The following AK1 variants were observed in gnomAD, a reference collection of about 807,000 sequenced individuals.
AK1 encodes adenylate kinase isoenzyme 1.
A neutral mutation model predicts 23.9 loss-of-function variants in AK1; 13 were observed. The observed-to-expected ratio is 0.54, with a 90% CI of 0.35 to 0.86. AK1 has a LOEUF of 0.86. Among genes scored for constraint, AK1 ranks in the 40% least tolerant of loss-of-function variants. AK1 has a pLI of 0.01. For missense variants in AK1, 214 were observed against 255.1 expected, an observed-to-expected ratio of 0.84 and a Z score of 1.10; for synonymous variants, 97 against 102.8, an observed-to-expected ratio of 0.94 and a Z score of 0.34.
intron 2 of AK1, chr9:127,873,351 C>T (rs1829461968): frequency 1.9e-6 from 3 of 1,556,718 alleles, no homozygotes. Context: ...CGCCAGCCCT[C>T]ATGGCGCCTC....
At chr9:127,869,679 C>G (rs1052231773) in intron 5 of AK1, among the ~76,000 whole-genome samples, 22 of 152,218 alleles carry the variant, frequency 1.4e-4, no homozygotes, top group Non-Finnish European at 2.8e-4. Context: ...CTCCGTACCA[C>G]CCAGCGGCTG....
In AK1 at chr9:127,867,848, A is replaced by G. The variant is rs1829281261; in HGVS notation, c.*160T>C. ...AAGCAGTAAAACCAAATGTCCTTAGAAATTCCTTTAGTGCTCAGCTGTCCA... is the reference window on the plus strand; with the variant it reads ...AAGCAGTAAAACCAAATGTCCTTAGGAATTCCTTTAGTGCTCAGCTGTCCA... On this transcript the variant is annotated 3_prime_UTR_variant, in exon 7 of 7. Coordinates refer to ENST00000644144, the MANE Select transcript of AK1 (RefSeq NM_000476.3). 10 of 691,508 alleles carry G rather than the reference A, an allele frequency of 1.4e-5. No individual in the cohort carries two copies. In the South Asian group the frequency reaches 1.8e-4, roughly 12 times the overall value. The allele number at this position is 691,508 out of a possible 1,614,324, so 42.8% of individuals were successfully genotyped here.
intron 2 of AK1, chr9:127,873,714 C>T: frequency 1.0e-6 from 1 of 985,418 alleles, no homozygotes; most frequent in Non-Finnish European, 1.2e-6. Flanking sequence ...GGAAACTGAG[C>T]TCGAGAGAGG....
rs1294934208 is a variant in AK1 at position 127,868,938 on chromosome 9, C to A, written c.325-426G>T. 1.3e-5 allele frequency among the ~76,000 whole-genome samples: 2 copies of A among 152,198 alleles called. No individual in the cohort carries two copies. The highest frequency in any genetic ancestry group is 2.1e-4 in the South Asian group (1 of 4,832). On this transcript the variant is annotated intron_variant, in intron 5 of 6. Coordinates refer to ENST00000644144, the MANE Select transcript of AK1 (RefSeq NM_000476.3). The surrounding 1 kb of genome is among the most constrained non-coding windows in gnomAD (Gnocchi z 4.1). The stretch of plus-strand genomic sequence containing the variant: ...CAGTCTCTCTGATGCCACCCCCCGC[C>A]CCCCAGTACTCCCCGCCTCCTGGAA...
At chr9:127,869,825 T>C (rs547239481) in intron 5 of AK1, among the ~76,000 whole-genome samples, 1 of 152,334 alleles carries the variant, frequency 6.6e-6, no homozygotes, top group Admixed American at 6.5e-5. Flanking sequence ...TCACAGTCTC[T>C]GGTTCATCTG....
rs774432775 is a variant in AK1, at chr9:127,867,969, G to A, written c.*39C>T. The A allele has an allele frequency of 2.0e-5, 32 of 1,604,052 alleles. No individual in the cohort carries two copies. The highest frequency in any genetic ancestry group is 1.9e-4 in the South Asian group (17 of 90,866). On this transcript the variant is annotated 3_prime_UTR_variant, in exon 7 of 7. Transcript: ENST00000644144. ...GGAGGACCTCGAATCAGGACGGGGTGGGGCGGGGCTCTGAGCTGGGGAAGC... is the reference window on the plus strand; with the variant it reads ...GGAGGACCTCGAATCAGGACGGGGTAGGGCGGGGCTCTGAGCTGGGGAAGC...
Position 127,871,995 on chromosome 9 carries a change from C to T in AK1, c.208-56G>A, listed in dbSNP as rs1386857167. 6.8e-7 allele frequency: 1 copy of T among 1,462,006 alleles called. No homozygotes were observed. Among genetic ancestry groups the T allele is most frequent in the Non-Finnish European group, 9.6e-7 (1 of 1,043,168 alleles). The allele number at this position is 1,462,006 out of a possible 1,614,324, so 90.6% of individuals were successfully genotyped here. A position where few individuals can be genotyped will look rare whatever the true frequency, so the allele number is the denominator to read the frequency against. On this transcript the variant is annotated intron_variant, in intron 4 of 6. Coordinates refer to ENST00000644144, the MANE Select transcript of AK1 (RefSeq NM_000476.3). The surrounding 1 kb of genome is among the most constrained non-coding windows in gnomAD (Gnocchi z 4.4). ...GAGCCTCTCCTCCCCATCCCTTCTCCCAGCCTCTGCTCACGCTGCTCCTGC... is the reference window on the plus strand; with the variant it reads ...GAGCCTCTCCTCCCCATCCCTTCTCTCAGCCTCTGCTCACGCTGCTCCTGC...
rs1423519795 is a variant in AK1 at position 127,873,007 on chromosome 9, C to G, written c.43+19G>C. 1 of 1,614,062 alleles carries G rather than the reference C, an allele frequency of 6.2e-7. No homozygotes were observed. The highest frequency in any genetic ancestry group is 1.3e-5 in the African/African-American group (1 of 75,076). ...CCAGTGAAGACCCTTGCTGCACCAC[C>G]CGCCTGCCCGCAACTCACCCACCAC... On this transcript the variant is annotated intron_variant, in intron 3 of 6. Coordinates refer to ENST00000644144, the MANE Select transcript of AK1 (RefSeq NM_000476.3).
At chr9:127,873,854 G>C in intron 2 of AK1, 1 of 985,452 alleles carries the variant, frequency 1.0e-6, no homozygotes, top group South Asian at 4.7e-5. Context: ...ACTTAGGAAA[G>C]GCCTGCCCCT....
chr9:127,876,416 C>G (rs1410377261), intron 1 of AK1, among the ~76,000 whole-genome samples: 1 of 152,204 alleles, frequency 6.6e-6, no homozygotes, highest in African/African-American at 2.4e-5. Context: ...GGTTCGAGGG[C>G]CAGCTAGGGT....
chr9:127,869,127 G>A (rs1346640373), intron 5 of AK1, among the ~76,000 whole-genome samples: 1 of 152,196 alleles, frequency 6.6e-6, no homozygotes, highest in East Asian at 1.9e-4. Context: ...AGCAATGTCC[G>A]TGTCATTGGA....
rs1297436517 is a variant in AK1 at position 127,871,141 on chromosome 9, G to A, written c.324+682C>T. ...GTATGAACTTGTGGGGCTTGTGCAT[G>A]TGTATGTGCAAGCGTCCACGTGTGT... On this transcript the variant is annotated intron_variant, in intron 5 of 6. Transcript: ENST00000644144. This position sits in a 1 kb window ranked among gnomAD's most constrained non-coding sequence, Gnocchi z 4.4. Among the ~76,000 whole-genome samples, 1 of 151,808 alleles carries A rather than the reference G, an allele frequency of 6.6e-6. No individual in the cohort carries two copies. Among genetic ancestry groups the A allele is most frequent in the Admixed American group, 6.5e-5 (1 of 15,278 alleles).
At chr9:127,874,732 G>T in intron 1 of AK1, 83 bp from the exon 2 acceptor site, 1 of 1,380,836 alleles carries the variant, frequency 7.2e-7, no homozygotes, top group East Asian at 2.3e-5. Context: ...CAAGGCAACT[G>T]GTGTGTGCCA....
In AK1 at chr9:127,872,724, G is replaced by A. The variant is rs138798179; in HGVS notation, c.173C>T (p.Ser58Leu). ...CAGCTGCCCCTTCTCCATGATTTCC[G>A]ACAGCTTCTTGCCCCTGGCCGAGCC... The part of the protein sequence containing the change: ...SSGSARGKKL[S>L]EIMEKGQLVP... The change falls in exon 4 of 7, where the codon TCG becomes TTG. Residue 58 changes from serine (S) to leucine (L), a missense_variant. By Grantham distance (145) the Ser-to-Leu change is moderately radical. Transcript: ENST00000644144. The A allele has an allele frequency of 7.5e-4, 1,216 of 1,614,098 alleles. 17 individuals carry two copies. The South Asian group carries it at 0.012, about 16-fold the overall frequency.
In AK1 at chr9:127,875,031, G is replaced by A. The variant is rs559464017; in HGVS notation, c.-32-382C>T. 98 of 279,908 alleles carry A rather than the reference G, an allele frequency of 3.5e-4. 1 individual carries two copies. Among genetic ancestry groups the A allele is most frequent in the South Asian group, 3.2e-3 (84 of 26,502 alleles). 17.3% of individuals were successfully genotyped at this position (279,908 alleles called of 1,614,324 possible). A position where few individuals can be genotyped will look rare whatever the true frequency, so the allele number is the denominator to read the frequency against. On this transcript the variant is annotated intron_variant, in intron 1 of 6. Transcript: ENST00000644144. ...CCAGAAAACAGGGCGCAGGGCCAGC[G>A]TCTGCCCAGACACCTTGACAACGCT...
chr9:127,868,416 C>G lies in AK1; in HGVS notation c.421G>C (p.Asp141His). Reference protein sequence around the residue: ...KRGETSGRVDDNEETIKKRLE... With the variant: ...KRGETSGRVDHNEETIKKRLE... Reference sequence around the variant, plus strand: ...CGCTTTTTGATGGTCTCCTCATTGTCGTCCACACGCCCGCTGGTCTCTCCA... The same window carrying G: ...CGCTTTTTGATGGTCTCCTCATTGTGGTCCACACGCCCGCTGGTCTCTCCA... The change falls in exon 6 of 7, where the codon GAC (aspartate) becomes CAC (histidine). Residue 141 changes from aspartate (D) to histidine (H), a missense_variant. Coordinates refer to ENST00000644144, the MANE Select transcript of AK1 (RefSeq NM_000476.3). This position sits in a 1 kb window ranked among gnomAD's most constrained non-coding sequence, Gnocchi z 4.1. 1 of 1,612,388 alleles carries G rather than the reference C, an allele frequency of 6.2e-7. No individual in the cohort carries two copies. Among genetic ancestry groups the G allele is most frequent in the South Asian group, 1.1e-5 (1 of 90,566 alleles).
rs954249292 is a variant in AK1, at chr9:127,871,761, T to C, written c.324+62A>G. 7.1e-7 allele frequency: 1 copy of C among 1,414,242 alleles called. No homozygotes were observed. The allele number at this position is 1,414,242 out of a possible 1,614,324, so 87.6% of individuals were successfully genotyped here. A position where few individuals can be genotyped will look rare whatever the true frequency, so the allele number is the denominator to read the frequency against. On this transcript the variant is annotated intron_variant, in intron 5 of 6. Coordinates refer to ENST00000644144, the MANE Select transcript of AK1 (RefSeq NM_000476.3). This position sits in a 1 kb window ranked among gnomAD's most constrained non-coding sequence, Gnocchi z 4.4. ...ATCACAGCCCCCGCAGGCCCGCCCA[T>C]GGGGATGGGAGTCTTATCCTGCCCC...
chr9:127,868,092 C>T lies in AK1; in HGVS notation c.517-16G>A, dbSNP rs767348248. The T allele has an allele frequency of 3.1e-6, 5 of 1,613,688 alleles. No individual in the cohort carries two copies. The highest frequency in any genetic ancestry group is 2.5e-6 in the Non-Finnish European group (3 of 1,179,756). On this transcript the variant is annotated splice_polypyrimidine_tract_variant and intron_variant, in intron 6 of 6. Coordinates refer to ENST00000644144, the MANE Select transcript of AK1 (RefSeq NM_000476.3). The surrounding 1 kb of genome is among the most constrained non-coding windows in gnomAD (Gnocchi z 4.1). ...CAGCGTTGACCTGTGGGGAGATGGG[C>T]CGTGAGGGCTGAGTCACCAGGTGGA... is the stretch of plus-strand genomic sequence containing the variant.
chr9:127,878,561 A>T (rs1296074327), upstream of AK1: 1 of 152,294 alleles, frequency 6.6e-6, no homozygotes, highest in East Asian at 1.9e-4. Context: ...GTAGCCGGGC[A>T]GGGATGGGAG....
Sources: allele counts gnomAD v4.1 joint callset (sites outside exome capture counted in the v4.1 genomes callset), GRCh38; gene constraint gnomAD v4.1.1; non-coding constraint Gnocchi (gnomAD v3.1); transcripts MANE v1.5; gene names NCBI Gene and HGNC (gene_info 2026-07-23, HGNC 2026-07-21).